Variants in PCDH7 observed in about 807,000 individuals in gnomAD.
The protein encoded by PCDH7 is protocadherin 7.
A neutral mutation model predicts 58.9 loss-of-function variants in PCDH7; 17 were observed. The observed-to-expected ratio is 0.29, with a 90% CI of 0.20 to 0.43. PCDH7 has a LOEUF of 0.43. Ranked by LOEUF, PCDH7 falls within the 20% of genes least tolerant of loss-of-function variation. The pLI is 1.00. For synonymous variants in PCDH7, 664 were observed against 616.4 expected (o/e 1.08, Z -1.14); for missense variants, 1,274 against 1,441.0 (o/e 0.88, Z 1.88).
chr4:30,781,038 T>C (rs1422002625), intron 1 of PCDH7, among the ~76,000 whole-genome samples: 1 of 152,110 alleles, frequency 6.6e-6, no homozygotes, highest in Non-Finnish European at 1.5e-5. Flanking sequence ...AAAAGATAAA[T>C]AAAAGTTTCC....
intron 1 of PCDH7, among the ~76,000 whole-genome samples, chr4:30,804,813 G>T (rs995676878): frequency 6.6e-6 from 1 of 152,152 alleles, no homozygotes; most frequent in Non-Finnish European, 1.5e-5. Context: ...TAAGGTCTCT[G>T]ACTTAGCTAC....
intron 1 of PCDH7, among the ~76,000 whole-genome samples, chr4:30,867,057 A>G (rs1038734602): frequency 6.6e-6 from 1 of 151,988 alleles, no homozygotes; most frequent in Admixed American, 6.6e-5. Flanking sequence ...TTTGCTTGCT[A>G]CCATCTAGAT....
intron 3 of PCDH7, among the ~76,000 whole-genome samples, chr4:30,971,671 AG>A (rs1480751293): frequency 6.6e-6 from 1 of 152,242 alleles, no homozygotes; most frequent in Non-Finnish European, 1.5e-5. Context: ...GATACATTGT[AG>A]GTAAATTGTC....
At chr4:30,793,385 C>A (rs1352905983) in intron 1 of PCDH7, among the ~76,000 whole-genome samples, 1 of 152,106 alleles carries the variant, frequency 6.6e-6, no homozygotes, top group African/African-American at 2.4e-5. Context: ...AGTTACCAAG[C>A]TGAAATGACA....
chr4:30,786,233 T>A (rs941701030), intron 1 of PCDH7, among the ~76,000 whole-genome samples: 2 of 152,058 alleles, frequency 1.3e-5, no homozygotes, highest in African/African-American at 4.8e-5. Context: ...TATCTAATGA[T>A]TGCATTAAGA....
At chr4:30,903,599 C>T (rs1740511474) in intron 1 of PCDH7, among the ~76,000 whole-genome samples, 1 of 152,020 alleles carries the variant, frequency 6.6e-6, no homozygotes. Context: ...TTCATTGCAT[C>T]TTTAAAATGG....
intron 1 of PCDH7, among the ~76,000 whole-genome samples, chr4:30,882,606 G>T (rs902023699): frequency 6.6e-6 from 1 of 152,050 alleles, no homozygotes; most frequent in Non-Finnish European, 1.5e-5. Flanking sequence ...TATTTTCTTC[G>T]TACCAGTTGG....
intron 1 of PCDH7, among the ~76,000 whole-genome samples, chr4:30,866,749 G>T (rs1361040464): frequency 6.6e-6 from 1 of 150,982 alleles, no homozygotes; most frequent in Non-Finnish European, 1.5e-5. Flanking sequence ...TCCTTTCTCT[G>T]CAATCCTTAC....
intron 3 of PCDH7, among the ~76,000 whole-genome samples, chr4:30,960,010 A>C (rs773845739): frequency 6.6e-6 from 1 of 151,798 alleles, no homozygotes; most frequent in Non-Finnish European, 1.5e-5. Flanking sequence ...GTGAAATTAT[A>C]ATACAGTAAC....
chr4:31,092,576 T>C (rs909813492), intron 3 of PCDH7, among the ~76,000 whole-genome samples: 1 of 151,918 alleles, frequency 6.6e-6, no homozygotes, highest in African/African-American at 2.4e-5. Flanking sequence ...TGCTGGAAAA[T>C]TACACATTTG....
chr4:30,969,605 G>A (rs982837672), intron 3 of PCDH7, among the ~76,000 whole-genome samples: 8 of 152,136 alleles, frequency 5.3e-5, no homozygotes, highest in African/African-American at 1.7e-4. Flanking sequence ...AAGTCCCAGA[G>A]ATCTAAGAAT....
At chr4:30,856,214 A>T (rs1733436702) in intron 1 of PCDH7, among the ~76,000 whole-genome samples, 3 of 152,150 alleles carry the variant, frequency 2.0e-5, no homozygotes, top group Admixed American at 2.0e-4. Flanking sequence ...AATTTTACAA[A>T]ATTTAAAGCA....
intron 1 of PCDH7, among the ~76,000 whole-genome samples, chr4:30,882,295 T>C (rs56037166): frequency 0.25 from 37,622 of 151,652 alleles, 4,804 homozygotes; most frequent in African/African-American, 0.29. Flanking sequence ...AAGGGTCTTG[T>C]TCTGTAGCTT....
chr4:30,736,094 T>C (rs775477739), downstream of PCDH7, among the ~76,000 whole-genome samples: 9 of 152,314 alleles, frequency 5.9e-5, no homozygotes, highest in African/African-American at 9.6e-5. Context: ...ACAAGTATAG[T>C]AAAAATAGTT....
chr4:30,859,944 A>G (rs1006910542), intron 1 of PCDH7, among the ~76,000 whole-genome samples: 1 of 152,170 alleles, frequency 6.6e-6, no homozygotes, highest in African/African-American at 2.4e-5. Context: ...AAAAATCAAT[A>G]AAAGTAAACT....
At chr4:31,072,763 C>A (rs1157257251) in intron 3 of PCDH7, among the ~76,000 whole-genome samples, 1 of 152,088 alleles carries the variant, frequency 6.6e-6, no homozygotes, top group African/African-American at 2.4e-5. Context: ...CCCATTAATT[C>A]ACTCATTCAT....
chr4:30,961,892 A>G (rs923574436), intron 3 of PCDH7, among the ~76,000 whole-genome samples: 1 of 152,166 alleles, frequency 6.6e-6, no homozygotes, highest in African/African-American at 2.4e-5. Context: ...GAATATGCCC[A>G]TAGGGTGGTA....
chr4:31,062,998 A>T (rs73812506), intron 3 of PCDH7, among the ~76,000 whole-genome samples: 1 of 151,790 alleles, frequency 6.6e-6, no homozygotes, highest in African/African-American at 2.4e-5. Flanking sequence ...TGTTTATTAC[A>T]TATGTGTATA....
intron 3 of PCDH7, among the ~76,000 whole-genome samples, chr4:31,108,702 G>A (rs1715907403): frequency 6.6e-6 from 1 of 152,114 alleles, no homozygotes; most frequent in Non-Finnish European, 1.5e-5. Context: ...GCAATACATT[G>A]TAGATACATA....
Sources: allele counts gnomAD v4.1 joint callset (sites outside exome capture counted in the v4.1 genomes callset), GRCh38; gene constraint gnomAD v4.1.1; transcripts MANE v1.5; gene names NCBI Gene and HGNC (gene_info 2026-07-23, HGNC 2026-07-21).